The following SRBD1 variants were observed in gnomAD, a reference collection of about 807,000 sequenced individuals.
SRBD1 encodes S1 RNA binding domain 1, also known as S1 RNA-binding domain-containing protein 1.
SRBD1 carries 88 observed loss-of-function variants against 115.3 expected under a neutral mutation model. The observed-to-expected ratio is 0.76, with a 90% CI of 0.64 to 0.91. The LOEUF (loss-of-function observed/expected upper bound fraction) is 0.91. Ranked by LOEUF, SRBD1 falls within the 40% of genes least tolerant of loss-of-function variation. The pLI, the probability that SRBD1 is intolerant of heterozygous loss-of-function variation, is 0.00. For synonymous variants in SRBD1, 509 were observed against 407.7 expected (o/e 1.25, Z -2.99); for missense variants, 1,385 against 1,177.4 (o/e 1.18, Z -2.58).
At chr2:45,585,973 C>G (rs1252157153) in intron 4 of SRBD1, among the ~76,000 whole-genome samples, 199 bp from the exon 5 acceptor site, 1 of 152,060 alleles carries the variant, frequency 6.6e-6, no homozygotes. Flanking sequence ...TTCACAAATT[C>G]AATAAAATCT....
intron 4 of SRBD1, among the ~76,000 whole-genome samples, chr2:45,587,101 AATT>A (rs1673566379): frequency 8.3e-6 from 1 of 120,226 alleles, no homozygotes; most frequent in Non-Finnish European, 1.6e-5. Flanking sequence ...TTAAATATTT[AATT>A]ATTTTAAAAT....
chr2:45,465,046 C>CACACACACACACACAT (rs58921931), intron 16 of SRBD1, among the ~76,000 whole-genome samples: 6 of 141,622 alleles, frequency 4.2e-5, no homozygotes, highest in South Asian at 4.6e-4. Context: ...CACACACACA[C>CACACACACACACACAT]ACAGAGTCAT....
chr2:45,488,273 T>C lies in SRBD1; in HGVS notation c.1933A>G (p.Met645Val). 1.2e-6 allele frequency: 2 copies of C among 1,614,078 alleles called. No homozygotes were observed. Among genetic ancestry groups the C allele is most frequent in the South Asian group, 1.1e-5 (1 of 91,066 alleles). Residue 645 changes from methionine (M) to valine (V), a missense_variant, in exon 15 of 21, where the codon ATG (methionine) becomes GTG (valine). Coordinates refer to ENST00000263736, the MANE Select transcript of SRBD1 (RefSeq NM_018079.5). ...CTCAAATTAGGGTCCAGCCCTGGCA[T>C]CTCTTTGTTAGCTTCAGGGCTGACA... is the stretch of plus-strand genomic sequence containing the variant. ...YSVSPEANKE[M>V]PGLDPNLRSA...
chr2:45,407,953 A>G (rs1667484749), intron 19 of SRBD1, among the ~76,000 whole-genome samples: 2 of 152,154 alleles, frequency 1.3e-5, no homozygotes, highest in South Asian at 4.1e-4. Flanking sequence ...ATAAAATATC[A>G]TAATCTCAAT....
chr2:45,463,212 T>G (rs1252088399), intron 16 of SRBD1, among the ~76,000 whole-genome samples: 1 of 152,194 alleles, frequency 6.6e-6, no homozygotes, highest in African/African-American at 2.4e-5. Context: ...CCTTCCTGTC[T>G]CTGTACCACA....
chr2:45,563,366 T>A (rs1413953952), intron 9 of SRBD1, among the ~76,000 whole-genome samples: 2 of 151,888 alleles, frequency 1.3e-5, no homozygotes, highest in Non-Finnish European at 2.9e-5. Flanking sequence ...ATGCTCTTAA[T>A]TAAAATATTA....
rs907756230 is a variant in SRBD1, at chr2:45,478,674, C to G, written c.1967-1599G>C. Among the ~76,000 whole-genome samples, 2 of 152,142 alleles carry G rather than the reference C, an allele frequency of 1.3e-5. 1 individual carries two copies. Among genetic ancestry groups the G allele is most frequent in the East Asian group, 3.8e-4 (2 of 5,202 alleles). On this transcript the variant is annotated intron_variant, in intron 15 of 20. Transcript: ENST00000263736. ...AAAGTAGAGATATACTTGAATTTCT[C>G]TAAAGCAAATATTATTTCTTTAGCC...
At chr2:45,446,512 T>A (rs1485477173) in intron 16 of SRBD1, among the ~76,000 whole-genome samples, 1 of 152,164 alleles carries the variant, frequency 6.6e-6, no homozygotes, top group Non-Finnish European at 1.5e-5. Context: ...GGATTGGGGA[T>A]CCTTTTCCCA....
intron 14 of SRBD1, chr2:45,546,224 A>G: frequency 5.1e-6 from 5 of 985,430 alleles, no homozygotes; most frequent in Non-Finnish European, 4.8e-6. Flanking sequence ...GCTATTCACA[A>G]GTTATCTGTA....
At chr2:45,417,798 C>T (rs763191786) in intron 18 of SRBD1, among the ~76,000 whole-genome samples, 2 of 152,128 alleles carry the variant, frequency 1.3e-5, no homozygotes, top group Non-Finnish European at 2.9e-5. Flanking sequence ...ACAGCTATGT[C>T]AGTATAAAGT....
chr2:45,393,481 C>G (rs1271425406), intron 19 of SRBD1, among the ~76,000 whole-genome samples: 1 of 152,136 alleles, frequency 6.6e-6, no homozygotes, highest in Non-Finnish European at 1.5e-5. Flanking sequence ...CCTGGGTTCA[C>G]GCCATTCTCC....
intron 14 of SRBD1, among the ~76,000 whole-genome samples, chr2:45,508,728 T>G (rs1193062918): frequency 6.6e-6 from 1 of 152,190 alleles, no homozygotes; most frequent in Non-Finnish European, 1.5e-5. Flanking sequence ...TCTTAGAACT[T>G]TTTTTCTTAG....
intron 5 of SRBD1, among the ~76,000 whole-genome samples, chr2:45,582,743 A>G (rs559369980): frequency 6.6e-6 from 1 of 152,254 alleles, no homozygotes; most frequent in South Asian, 2.1e-4. Flanking sequence ...TCTCTGGCAT[A>G]TGATATTTCA....
intron 19 of SRBD1, among the ~76,000 whole-genome samples, chr2:45,406,928 G>T (rs1667455042): frequency 6.6e-6 from 1 of 151,264 alleles, no homozygotes; most frequent in African/African-American, 2.4e-5. Context: ...TTACTTTTCT[G>T]TGCAGAATAA....
At chr2:45,566,133 C>CA (rs1289803582) in intron 9 of SRBD1, among the ~76,000 whole-genome samples, 1 of 152,160 alleles carries the variant, frequency 6.6e-6, no homozygotes, top group Admixed American at 6.5e-5. Context: ...ATGGCATAGC[C>CA]ACTCTGGAAA....
At chr2:45,405,314 T>C (rs10490348) in intron 19 of SRBD1, among the ~76,000 whole-genome samples, 88,022 of 151,966 alleles carry the variant, frequency 0.58, 26,595 homozygotes, top group Non-Finnish European at 0.69. Flanking sequence ...TATTCATTAC[T>C]GAGCCTTTTT....
chr2:45,598,538 C>T (rs906551281), intron 4 of SRBD1, among the ~76,000 whole-genome samples: 8 of 151,164 alleles, frequency 5.3e-5, no homozygotes, highest in Admixed American at 1.3e-4. Flanking sequence ...GGCATGAACC[C>T]GGGAGGTGGA....
intron 7 of SRBD1, among the ~76,000 whole-genome samples, chr2:45,578,519 G>GT (rs1043824495): frequency 6.6e-6 from 1 of 152,138 alleles, no homozygotes; most frequent in Non-Finnish European, 1.5e-5. Context: ...CACCCACTCA[G>GT]TTTTTTAAAT....
intron 14 of SRBD1, among the ~76,000 whole-genome samples, chr2:45,500,667 C>T (rs756654269): frequency 3.9e-5 from 6 of 152,108 alleles, no homozygotes; most frequent in South Asian, 2.1e-4. Context: ...CCGCCCGTTT[C>T]GGCCTCCCAA....
Sources: gnomAD v4.1 joint callset for allele counts (sites outside exome capture counted in the v4.1 genomes callset) on GRCh38, gnomAD v4.1.1 for gene constraint, MANE v1.5 for transcripts, NCBI Gene and HGNC (gene_info 2026-07-23, HGNC 2026-07-21) for gene names.